Variants in ANTXR2 observed in about 807,000 individuals in gnomAD.
ANTXR2 encodes the protein anthrax toxin receptor 2.
In ANTXR2, 44 loss-of-function variants were observed where a neutral mutation model predicts 73.7. The observed-to-expected ratio is 0.60, with a 90% CI of 0.47 to 0.77. ANTXR2 has a LOEUF of 0.77. Ranked by LOEUF, ANTXR2 falls within the 30% of genes least tolerant of loss-of-function variation. The probability of loss-of-function intolerance (pLI) is 0.00; values close to 1 mark genes in which losing one functional copy is unlikely to be tolerated. For synonymous variants in ANTXR2, 217 were observed against 205.9 expected (o/e 1.05, Z -0.46); for missense variants, 604 against 592.5 (o/e 1.02, Z -0.20).
intron 16 of ANTXR2, among the ~76,000 whole-genome samples, chr4:79,910,039 A>G (rs1456414340): frequency 1.3e-5 from 2 of 152,188 alleles, no homozygotes; most frequent in African/African-American, 2.4e-5. Context: ...AGCCTCTGCC[A>G]CTTCTTAACT....
chr4:79,985,268 T>G (rs1359249353), intron 12 of ANTXR2, among the ~76,000 whole-genome samples: 1 of 150,968 alleles, frequency 6.6e-6, no homozygotes, highest in Non-Finnish European at 1.5e-5. Flanking sequence ...GAGAATGGCG[T>G]GAACCCGGGA....
intron 14 of ANTXR2, among the ~76,000 whole-genome samples, chr4:79,979,168 T>G (rs1436479168): frequency 2.6e-5 from 4 of 152,126 alleles, no homozygotes; most frequent in African/African-American, 9.7e-5. Flanking sequence ...AGCAAATGAT[T>G]GTTGTATTTT....
At chr4:79,961,612 G>C (rs758499831) in intron 16 of ANTXR2, among the ~76,000 whole-genome samples, 2 of 151,888 alleles carry the variant, frequency 1.3e-5, no homozygotes, top group Non-Finnish European at 2.9e-5. Flanking sequence ...TATTTTGTTT[G>C]TATTTTTTGT....
chr4:79,983,767 C>A, intron 14 of ANTXR2, 111 bp downstream of exon 14: 1 of 865,606 alleles, frequency 1.2e-6, no homozygotes, highest in Non-Finnish European at 1.9e-6. Flanking sequence ...GTGTTAAGCA[C>A]AAATGGATGA....
intron 3 of ANTXR2, among the ~76,000 whole-genome samples, chr4:80,068,328 T>A (rs958136963): frequency 6.6e-6 from 1 of 152,136 alleles, no homozygotes; most frequent in Non-Finnish European, 1.5e-5. Context: ...TTCAGAAAAA[T>A]TTTATTTCAA....
chr4:79,993,062 A>C (rs998303256), intron 12 of ANTXR2, among the ~76,000 whole-genome samples: 3 of 152,054 alleles, frequency 2.0e-5, no homozygotes, highest in Non-Finnish European at 4.4e-5. Context: ...ATCTACCAAA[A>C]AAGGGTTTAT....
intron 16 of ANTXR2, among the ~76,000 whole-genome samples, chr4:79,918,685 GA>G (rs1727451387): frequency 6.6e-6 from 1 of 152,014 alleles, no homozygotes; most frequent in African/African-American, 2.4e-5. Context: ...TAACAAGTGC[GA>G]AAAGTTCTTG....
intron 12 of ANTXR2, among the ~76,000 whole-genome samples, chr4:79,993,750 A>ACACACGCGCGCGCGCGCG (rs1553931129): frequency 1.3e-5 from 1 of 78,028 alleles, no homozygotes; most frequent in Admixed American, 1.8e-4. Flanking sequence ...TACACCACAC[A>ACACACGCGCGCGCGCGCG]CACACACACG....
intron 14 of ANTXR2, among the ~76,000 whole-genome samples, chr4:79,978,935 T>C (rs774459389): frequency 2.6e-5 from 4 of 152,232 alleles, no homozygotes; most frequent in African/African-American, 2.4e-5. Flanking sequence ...CTAAGTAATA[T>C]AGTGTTCAGC....
At chr4:79,990,401 A>AC (rs924025713) in intron 12 of ANTXR2, among the ~76,000 whole-genome samples, 3 of 151,052 alleles carry the variant, frequency 2.0e-5, no homozygotes, top group Admixed American at 6.6e-5. Context: ...AAAAAAAAAA[A>AC]ACACCTTGTA....
Position 79,904,299 on chromosome 4 carries a change from T to A in ANTXR2, c.*3130A>T. On this transcript the variant is annotated 3_prime_UTR_variant, in exon 17 of 17. Coordinates refer to ENST00000403729, the MANE Select transcript of ANTXR2 (RefSeq NM_058172.6). Reference sequence around the variant, plus strand: ...TCAAGGGAAATATAAGCAAACTACTTCTTTCTCTAACAATCTGAAATACAT... The same window carrying A: ...TCAAGGGAAATATAAGCAAACTACTACTTTCTCTAACAATCTGAAATACAT... 1 of 152,104 alleles carries A rather than the reference T, an allele frequency of 6.6e-6. No homozygotes were observed. The highest frequency in any genetic ancestry group is 1.9e-4 in the East Asian group (1 of 5,194). The allele number at this position is 152,104 out of a possible 1,614,324, so 9.4% of individuals were successfully genotyped here. A position where few individuals can be genotyped will look rare whatever the true frequency, so the allele number is the denominator to read the frequency against.
At chr4:79,952,521 GT>G (rs1269922169) in intron 16 of ANTXR2, among the ~76,000 whole-genome samples, 1 of 151,734 alleles carries the variant, frequency 6.6e-6, no homozygotes, top group Non-Finnish European at 1.5e-5. Flanking sequence ...TCAGAAATGT[GT>G]TTAAATGCTC....
At chr4:79,926,290 C>A (rs1727777796) in intron 16 of ANTXR2, among the ~76,000 whole-genome samples, 2 of 152,042 alleles carry the variant, frequency 1.3e-5, no homozygotes, top group Admixed American at 1.3e-4. Flanking sequence ...GCAATCCCAA[C>A]CATTTCTATA....
rs4594664 is a variant in ANTXR2 at position 80,055,924 on chromosome 4, T to G, written c.378+8A>C. On this transcript the variant is annotated splice_region_variant and intron_variant, in intron 4 of 16. Coordinates refer to ENST00000403729, the MANE Select transcript of ANTXR2 (RefSeq NM_058172.6). ...CTCTCCCATATTTACAAATGTAAAA[T>G]AACTTACTAGCTTTAGTCCTTCATG... 965,235 of 1,503,668 alleles carry G rather than the reference T, an allele frequency of 0.64. 314,730 individuals are homozygous for G. The highest frequency in any genetic ancestry group is 0.95 in the East Asian group (38,960 of 40,822). 93.1% of individuals were successfully genotyped at this position (1,503,668 alleles called of 1,614,324 possible). A position where few individuals can be genotyped will look rare whatever the true frequency, so the allele number is the denominator to read the frequency against.
At chr4:79,990,069 A>G (rs939338443) in intron 12 of ANTXR2, among the ~76,000 whole-genome samples, 4 of 152,100 alleles carry the variant, frequency 2.6e-5, no homozygotes, top group African/African-American at 9.7e-5. Flanking sequence ...AAGAAATAGA[A>G]TAAGACAAGG....
chr4:79,966,913 G>A (rs1729391246), intron 16 of ANTXR2, among the ~76,000 whole-genome samples: 1 of 24,310 alleles, frequency 4.1e-5, no homozygotes. Context: ...CGTCCGGGGA[G>A]GAGCCAAGAT....
chr4:80,014,882 G>A (rs1731768117), intron 11 of ANTXR2, among the ~76,000 whole-genome samples: 1 of 152,106 alleles, frequency 6.6e-6, no homozygotes, highest in South Asian at 2.1e-4. Context: ...GCAGATACTG[G>A]TGGCCTATAA....
At chr4:80,055,079 A>G in intron 6 of ANTXR2, 71 bp downstream of exon 6, 2 of 1,384,414 alleles carry the variant, frequency 1.4e-6, no homozygotes, top group East Asian at 2.5e-5. Flanking sequence ...ATCAGTGAAA[A>G]GAATTTGTTA....
At chr4:79,933,768 T>C (rs1431112465) in intron 16 of ANTXR2, among the ~76,000 whole-genome samples, 6 of 127,234 alleles carry the variant, frequency 4.7e-5, no homozygotes, top group Non-Finnish European at 1.6e-5. Context: ...AGAGTCTCAC[T>C]CTGTCACCCA....
Sources: allele counts gnomAD v4.1 joint callset (sites outside exome capture counted in the v4.1 genomes callset), GRCh38; gene constraint gnomAD v4.1.1; transcripts MANE v1.5; gene names NCBI Gene and HGNC (gene_info 2026-07-23, HGNC 2026-07-21).